The following TUSC3 variants were observed in gnomAD, a reference collection of about 807,000 sequenced individuals.
TUSC3 encodes dolichyl-diphosphooligosaccharide--protein glycosyltransferase subunit TUSC3.
A neutral mutation model predicts 44.8 loss-of-function variants in TUSC3; 45 were observed. The ratio of observed to expected loss-of-function variants is 1.00; its 90% CI spans 0.79 to 1.29. TUSC3 has a LOEUF of 1.29. Ranked by LOEUF, TUSC3 falls within the 50% of genes most tolerant of loss-of-function variation. The probability of loss-of-function intolerance (pLI) is 0.00; values close to 1 mark genes in which losing one functional copy is unlikely to be tolerated. For synonymous variants in TUSC3, 212 were observed against 152.9 expected (o/e 1.39, Z -2.85); for missense variants, 519 against 437.9 (o/e 1.19, Z -1.65).
intron 2 of TUSC3, among the ~76,000 whole-genome samples, chr8:15,507,013 A>T (rs1029820801): frequency 6.6e-6 from 1 of 152,176 alleles, no homozygotes. Context: ...GAAAATGGAC[A>T]ATTTCCTCTG....
chr8:15,605,497 C>T (rs1409078712), intron 1 of TUSC3, among the ~76,000 whole-genome samples: 1 of 151,610 alleles, frequency 6.6e-6, no homozygotes, highest in Non-Finnish European at 1.5e-5. Flanking sequence ...GTATGAATTG[C>T]GTGGGTCTAT....
At chr8:15,498,545 C>A (rs1037010326) in intron 2 of TUSC3, among the ~76,000 whole-genome samples, 1 of 152,154 alleles carries the variant, frequency 6.6e-6, no homozygotes, top group African/African-American at 2.4e-5. Context: ...GAAGTTGAAT[C>A]GCTCTACATG....
At position 15,764,089 on chromosome 8, in the gene TUSC3, A is replaced by G. The variant is rs1334642439; in HGVS notation, c.*47-114A>G. ...TAAAAATTACAATTAGTTGAATACA[A>G]TTATGACATTTTAATGTTATATTTA... is the stretch of plus-strand genomic sequence containing the variant. On this transcript the variant is annotated intron_variant, in intron 10 of 10. Transcript: ENST00000503731. 54 of 1,107,332 alleles carry G rather than the reference A, an allele frequency of 4.9e-5. No individual in the cohort carries two copies. In the Admixed American group the frequency reaches 8.8e-4, roughly 18 times the overall value. The allele number at this position is 1,107,332 out of a possible 1,614,324, so 68.6% of individuals were successfully genotyped here.
In TUSC3 at chr8:15,700,849, C is replaced by CTTTTTTTTTTTTTTTTTTTTTT. The variant is rs71211076; in HGVS notation, c.798+27031_798+27032insTTTTTTTTTTTTTTTTTTTTTT. ...CTTTCACTAGAGGGAATGGCTGGAG[C>CTTTTTTTTTTTTTTTTTTTTTT]TTTTTTTTTTTTTTTTTTGCTTTGC... is the stretch of plus-strand genomic sequence containing the variant. On this transcript the variant is annotated intron_variant, in intron 6 of 10. Transcript: ENST00000503731. Among the ~76,000 whole-genome samples the CTTTTTTTTTTTTTTTTTTTTTT allele has an allele frequency of 9.4e-4, 85 of 90,538 alleles. 9 individuals carry two copies. Among genetic ancestry groups the CTTTTTTTTTTTTTTTTTTTTTT allele is most frequent in the African/African-American group, 1.7e-3 (34 of 20,410 alleles). The allele number at this position is 90,538 out of a possible 152,430, so 59.4% of individuals were successfully genotyped here.
At chr8:15,728,061 A>AC (rs1347485512) in intron 6 of TUSC3, among the ~76,000 whole-genome samples, 1 of 152,172 alleles carries the variant, frequency 6.6e-6, no homozygotes, top group Non-Finnish European at 1.5e-5. Flanking sequence ...ACAAAGTGTG[A>AC]TTTATTTTAA....
In TUSC3 at chr8:15,765,704, G is replaced by A. The variant is rs1812307697; in HGVS notation, c.*1548G>A. On this transcript the variant is annotated 3_prime_UTR_variant, in exon 11 of 11. Coordinates refer to ENST00000503731, the MANE Select transcript of TUSC3 (RefSeq NM_006765.4). ...AATAACATAAATTCTCCTAGTTCAT[G>A]TACTTAGATGAATAAATTTAGTTTT... 6.6e-6 allele frequency: 1 copy of A among 151,976 alleles called. No individual in the cohort carries two copies. The highest frequency in any genetic ancestry group is 2.4e-5 in the African/African-American group (1 of 41,414). The allele number at this position is 151,976 out of a possible 1,614,324, so 9.4% of individuals were successfully genotyped here.
intron 1 of TUSC3, among the ~76,000 whole-genome samples, chr8:15,438,898 G>C (rs1273254950): frequency 6.6e-6 from 1 of 152,198 alleles, no homozygotes; most frequent in Non-Finnish European, 1.5e-5. Context: ...AATTTGAGGA[G>C]AGTTTAATAA....
At chr8:15,422,553 C>G (rs7844043) in intron 1 of TUSC3, among the ~76,000 whole-genome samples, 24,752 of 152,028 alleles carry the variant, frequency 0.16, 2,265 homozygotes, top group African/African-American at 0.24. Flanking sequence ...ATATTCATAA[C>G]ATTTGCTAAG....
In TUSC3 at chr8:15,547,728, G is replaced by T. The variant is rs529235732; in HGVS notation, c.138+7160G>T. On this transcript the variant is annotated intron_variant, in intron 1 of 10. Coordinates refer to ENST00000503731, the MANE Select transcript of TUSC3 (RefSeq NM_006765.4). ...TGCCGCCCTCATGAATTAGATTAGT[G>T]CCCTTATAAATAGGACCCCAGAGAG... is the stretch of plus-strand genomic sequence containing the variant. 2.0e-5 allele frequency among the ~76,000 whole-genome samples: 3 copies of T among 151,356 alleles called. No homozygotes were observed. In the South Asian group the frequency reaches 6.3e-4, roughly 32 times the overall value.
chr8:15,758,010 A>T, intron 10 of TUSC3, 155 bp downstream of exon 10: 1 of 1,434,268 alleles, frequency 7.0e-7, no homozygotes, highest in Non-Finnish European at 9.1e-7. Context: ...GTCTTACATT[A>T]TTATGTTTAT....
At chr8:15,521,703 A>T (rs1223769711) in intron 2 of TUSC3, among the ~76,000 whole-genome samples, 1 of 152,188 alleles carries the variant, frequency 6.6e-6, no homozygotes, top group Non-Finnish European at 1.5e-5. Flanking sequence ...CCTGCGGGCC[A>T]CTGGTTACAC....
intron 6 of TUSC3, among the ~76,000 whole-genome samples, 161 bp downstream of exon 6, chr8:15,673,997 T>TACAC (rs113421840): frequency 6.6e-6 from 1 of 151,460 alleles, no homozygotes; most frequent in African/African-American, 2.4e-5. Flanking sequence ...CACATGTGCA[T>TACAC]ACACACACAC....
the TUSC3 span, among the ~76,000 whole-genome samples, chr8:15,804,508 T>G: frequency 6.6e-6 from 1 of 152,186 alleles, no homozygotes; most frequent in Non-Finnish European, 1.5e-5. Flanking sequence ...GTTTTGTATG[T>G]GGTGAGAGGT....
intron 8 of TUSC3, among the ~76,000 whole-genome samples, chr8:15,748,171 C>A (rs1017005395): frequency 1.3e-5 from 2 of 149,428 alleles, no homozygotes; most frequent in Non-Finnish European, 2.9e-5. Flanking sequence ...TGAGAAGACA[C>A]AAATAGTACA....
chr8:15,819,053 T>G, the TUSC3 span, among the ~76,000 whole-genome samples: 2 of 151,012 alleles, frequency 1.3e-5, no homozygotes, highest in African/African-American at 4.9e-5. Flanking sequence ...GTGAGACCCC[T>G]GTCTCTACAA....
chr8:15,726,427 T>C (rs1810499217), intron 6 of TUSC3, among the ~76,000 whole-genome samples: 1 of 152,216 alleles, frequency 6.6e-6, no homozygotes, highest in Non-Finnish European at 1.5e-5. Context: ...TGAGTCATGG[T>C]AATGAATTTT....
rs182138391 is a variant in TUSC3, at chr8:15,627,472, A to G, written c.308+4223A>G. Among the ~76,000 whole-genome samples, 504 of 152,364 alleles carry G rather than the reference A, an allele frequency of 3.3e-3. 3 individuals are homozygous for G. Among genetic ancestry groups the G allele is most frequent in the African/African-American group, 6.0e-3 (251 of 41,592 alleles). On this transcript the variant is annotated intron_variant, in intron 2 of 10. Coordinates refer to ENST00000503731, the MANE Select transcript of TUSC3 (RefSeq NM_006765.4). ...GCTGGACAAGAACTTGGGACCTGCC[A>G]AATGGCAAGGCTAAAAGAGCTGTAA... is the stretch of plus-strand genomic sequence containing the variant.
the TUSC3 span, chr8:15,807,144 G>C: frequency 7.4e-6 from 7 of 946,960 alleles, no homozygotes; most frequent in African/African-American, 1.1e-4. Flanking sequence ...AAGTCCACTT[G>C]GCAAAGCAAT....
intron 10 of TUSC3, among the ~76,000 whole-genome samples, chr8:15,763,978 T>G (rs1388149586): frequency 6.6e-6 from 1 of 152,060 alleles, no homozygotes; most frequent in African/African-American, 2.4e-5. Context: ...AAATTAAAGC[T>G]TTCAGCATCT....
Sources: allele counts gnomAD v4.1 joint callset (sites outside exome capture counted in the v4.1 genomes callset), GRCh38; gene constraint gnomAD v4.1.1; transcripts MANE v1.5; gene names NCBI Gene and HGNC (gene_info 2026-07-23, HGNC 2026-07-21).